ADARB2: variants seen among roughly 807,000 people sequenced by gnomAD.
The protein encoded by ADARB2 is inactive double-stranded RNA-specific editase B2.
A neutral mutation model predicts 62.2 loss-of-function variants in ADARB2; 25 were observed. The observed-to-expected ratio is 0.40, with a 90% CI of 0.29 to 0.56. The LOEUF is 0.56. Among genes scored for constraint, ADARB2 ranks in the 20% least tolerant of loss-of-function variants. ADARB2 has a pLI of 0.43. For missense variants in ADARB2, 1,071 were observed against 1,077.4 expected, an observed-to-expected ratio of 0.99 and a Z score of 0.08; for synonymous variants, 572 against 500.8, an observed-to-expected ratio of 1.14 and a Z score of -1.90.
chr10:1,481,798 A>T (rs539073307), intron 1 of ADARB2, among the ~76,000 whole-genome samples: 54 of 150,580 alleles, frequency 3.6e-4, no homozygotes, highest in Non-Finnish European at 1.0e-4. Flanking sequence ...TGAAGTTTGC[A>T]GTGAGCTGAG....
chr10:1,356,143 C>G (rs758587627), intron 3 of ADARB2, among the ~76,000 whole-genome samples: 1 of 152,148 alleles, frequency 6.6e-6, no homozygotes, highest in Non-Finnish European at 1.5e-5. Context: ...ACCCAGGACA[C>G]GAAGAAAGCC....
intron 1 of ADARB2, among the ~76,000 whole-genome samples, chr10:1,580,437 G>C (rs11250641): frequency 0.28 from 42,843 of 151,462 alleles, 6,462 homozygotes; most frequent in Non-Finnish European, 0.32. Context: ...TATATATGTT[G>C]GTCTGGCATT....
chr10:1,540,538 C>A lies in ADARB2; in HGVS notation c.101-161378G>T, dbSNP rs1395156754. On this transcript the variant is annotated intron_variant, in intron 1 of 9. Transcript: ENST00000381312. The stretch of plus-strand genomic sequence containing the variant: ...AGACCCCACTCAGACGTAGTTCAGA[C>A]CCTGGATCACAGCCGTCCAGACCCC... Among the ~76,000 whole-genome samples the A allele has an allele frequency of 4.7e-5, 5 of 105,862 alleles. 1 individual carries two copies. Among genetic ancestry groups the A allele is most frequent in the African/African-American group, 1.5e-4 (4 of 26,276 alleles). The allele number at this position is 105,862 out of a possible 152,430, so 69.4% of individuals were successfully genotyped here. A position where few individuals can be genotyped will look rare whatever the true frequency, so the allele number is the denominator to read the frequency against.
chr10:1,603,355 C>T (rs1460515271), intron 1 of ADARB2, among the ~76,000 whole-genome samples: 2 of 152,158 alleles, frequency 1.3e-5, no homozygotes, highest in Admixed American at 6.5e-5. Context: ...GCTTGGAGCC[C>T]GACCCTGGTA....
At chr10:1,696,213 G>T (rs963958365) in intron 1 of ADARB2, among the ~76,000 whole-genome samples, 1 of 152,118 alleles carries the variant, frequency 6.6e-6, no homozygotes, top group Non-Finnish European at 1.5e-5. Context: ...TTATATGCCT[G>T]TGTATATGTG....
At chr10:1,507,623 C>T (rs1157244764) in intron 1 of ADARB2, among the ~76,000 whole-genome samples, 1 of 151,858 alleles carries the variant, frequency 6.6e-6, no homozygotes, top group Non-Finnish European at 1.5e-5. Context: ...ACCAGTGTAG[C>T]TCCTGTGTGG....
chr10:1,462,846 GTGTGTATGCA>G (rs1831196550), intron 1 of ADARB2, among the ~76,000 whole-genome samples: 1 of 152,204 alleles, frequency 6.6e-6, no homozygotes, highest in Non-Finnish European at 1.5e-5. Flanking sequence ...GTATGTACAT[GTGTGTATGCA>G]TGTGTATGTG....
chr10:1,583,506 C>G (rs1460482665), intron 1 of ADARB2, among the ~76,000 whole-genome samples: 3 of 152,156 alleles, frequency 2.0e-5, no homozygotes, highest in Non-Finnish European at 2.9e-5. Flanking sequence ...CAGCCCACCC[C>G]CAAGTCAGAT....
At chr10:1,430,281 T>C (rs912630281) in intron 1 of ADARB2, among the ~76,000 whole-genome samples, 1 of 152,138 alleles carries the variant, frequency 6.6e-6, no homozygotes, top group Non-Finnish European at 1.5e-5. Context: ...GGTAGAATCC[T>C]TAAGAATATT....
chr10:1,418,379 T>C (rs1832823397), intron 1 of ADARB2, among the ~76,000 whole-genome samples: 1 of 152,132 alleles, frequency 6.6e-6, no homozygotes, highest in Non-Finnish European at 1.5e-5. Context: ...TCCCATCTCC[T>C]TTCTCCAGGG....
At chr10:1,591,665 A>ACACC in intron 1 of ADARB2, among the ~76,000 whole-genome samples, 1 of 151,568 alleles carries the variant, frequency 6.6e-6, no homozygotes, top group Admixed American at 6.6e-5. Context: ...GCACGCACAC[A>ACACC]CACACACACA....
chr10:1,569,686 T>A (rs1832909687), intron 1 of ADARB2, among the ~76,000 whole-genome samples: 1 of 152,190 alleles, frequency 6.6e-6, no homozygotes, highest in Non-Finnish European at 1.5e-5. Flanking sequence ...CAGTTTAGGG[T>A]TTAATTGGCC....
intron 1 of ADARB2, among the ~76,000 whole-genome samples, chr10:1,415,347 T>C (rs996689596): frequency 6.6e-6 from 1 of 151,892 alleles, no homozygotes; most frequent in Non-Finnish European, 1.5e-5. Flanking sequence ...GATGGTGGGA[T>C]GGATGGGTGG....
At chr10:1,557,254 G>A (rs1041910523) in intron 1 of ADARB2, among the ~76,000 whole-genome samples, 3 of 151,214 alleles carry the variant, frequency 2.0e-5, no homozygotes, top group Admixed American at 6.6e-5. Flanking sequence ...CTGACTCCCC[G>A]TCCTCCCCTT....
intron 1 of ADARB2, among the ~76,000 whole-genome samples, chr10:1,608,304 C>T (rs866710061): frequency 7.9e-5 from 12 of 152,260 alleles, no homozygotes; most frequent in Middle Eastern, 3.4e-3. Flanking sequence ...TCCCAGAGGT[C>T]ATGGAGACGC....
intron 1 of ADARB2, chr10:1,395,063 C>G: frequency 2.3e-6 from 1 of 440,984 alleles, no homozygotes. Flanking sequence ...ACTACAGATG[C>G]GTGCCACCAT....
At chr10:1,437,726 C>T (rs919804789) in intron 1 of ADARB2, among the ~76,000 whole-genome samples, 1 of 150,988 alleles carries the variant, frequency 6.6e-6, no homozygotes, top group East Asian at 2.0e-4. Context: ...ACAGCGATAG[C>T]GGGTCCTGTG....
chr10:1,633,077 C>A (rs1290295514), intron 1 of ADARB2, among the ~76,000 whole-genome samples: 2 of 152,152 alleles, frequency 1.3e-5, no homozygotes, highest in South Asian at 4.1e-4. Context: ...CTCCTGCTTC[C>A]TCTCCTGCTT....
intron 1 of ADARB2, among the ~76,000 whole-genome samples, chr10:1,689,510 G>T (rs1302816223): frequency 6.6e-6 from 1 of 152,096 alleles, no homozygotes. Context: ...ACACATAGGG[G>T]CATCTGTATT....
Sources: allele counts gnomAD v4.1 joint callset (sites outside exome capture counted in the v4.1 genomes callset), GRCh38; gene constraint gnomAD v4.1.1; transcripts MANE v1.5; gene names NCBI Gene and HGNC (gene_info 2026-07-23, HGNC 2026-07-21).